The following VTI1A variants were observed in gnomAD, a reference collection of about 807,000 sequenced individuals.
VTI1A encodes vesicle transport through interaction with t-SNAREs 1A.
Under a neutral mutation model 34.9 loss-of-function variants are expected in VTI1A, and 22 were observed. The ratio of observed to expected loss-of-function variants is 0.63; its 90% CI spans 0.45 to 0.90. The LOEUF (loss-of-function observed/expected upper bound fraction) is 0.90. Ranked by LOEUF, VTI1A falls within the 40% of genes least tolerant of loss-of-function variation. The probability of loss-of-function intolerance (pLI) is 0.00; values close to 1 mark genes in which losing one functional copy is unlikely to be tolerated. For synonymous variants in VTI1A, 87 were observed against 97.3 expected (o/e 0.89, Z 0.62); for missense variants, 268 against 275.6 (o/e 0.97, Z 0.20).
intron 5 of VTI1A, among the ~76,000 whole-genome samples, chr10:112,652,448 C>T (rs1335385513): frequency 6.6e-6 from 1 of 152,152 alleles, no homozygotes; most frequent in African/African-American, 2.4e-5. Flanking sequence ...GAGCCAGTTG[C>T]AGGGGCTCAC....
intron 5 of VTI1A, among the ~76,000 whole-genome samples, chr10:112,605,328 A>G (rs948652942): frequency 2.6e-5 from 4 of 152,180 alleles, no homozygotes; most frequent in African/African-American, 9.7e-5. Flanking sequence ...CAGTGTTGAG[A>G]GGGAAAGAAA....
chr10:112,517,881 A>G (rs935738352), intron 3 of VTI1A, among the ~76,000 whole-genome samples: 1 of 152,048 alleles, frequency 6.6e-6, no homozygotes, highest in Non-Finnish European at 1.5e-5. Flanking sequence ...CTTGGATGGG[A>G]TCCTGGAATA....
chr10:112,505,433 A>T (rs1564804622), intron 3 of VTI1A, among the ~76,000 whole-genome samples: 1 of 152,178 alleles, frequency 6.6e-6, no homozygotes, highest in Non-Finnish European at 1.5e-5. Context: ...GTAAGTAATG[A>T]TGGTTTTACC....
At chr10:112,548,659 G>A in intron 5 of VTI1A, 1 of 1,130,544 alleles carries the variant, frequency 8.8e-7, no homozygotes, top group Non-Finnish European at 1.3e-6. Context: ...GGGAAGACTT[G>A]GTGACTTTGC....
chr10:112,683,037 T>C (rs753187515), intron 7 of VTI1A, among the ~76,000 whole-genome samples: 4 of 152,200 alleles, frequency 2.6e-5, no homozygotes, highest in Non-Finnish European at 4.4e-5. Context: ...TGGCACCAGG[T>C]TTTGGCTCTG....
At chr10:112,852,728 C>T in the VTI1A span, among the ~76,000 whole-genome samples, 6 of 152,316 alleles carry the variant, frequency 3.9e-5, 1 homozygote, top group South Asian at 1.0e-3. Flanking sequence ...TGCTCCTCTC[C>T]CATTGCATTC....
At chr10:112,574,320 C>T (rs1336426736) in intron 5 of VTI1A, among the ~76,000 whole-genome samples, 1 of 152,138 alleles carries the variant, frequency 6.6e-6, no homozygotes, top group Non-Finnish European at 1.5e-5. Flanking sequence ...AAGTGATTGT[C>T]CTTTAATGCA....
chr10:112,557,222 A>G (rs1851570552), intron 5 of VTI1A, among the ~76,000 whole-genome samples: 1 of 152,132 alleles, frequency 6.6e-6, no homozygotes, highest in South Asian at 2.1e-4. Context: ...TCAACATTTC[A>G]ATATGATAAA....
chr10:112,587,075 T>C (rs951978354), intron 5 of VTI1A, among the ~76,000 whole-genome samples: 4 of 152,182 alleles, frequency 2.6e-5, no homozygotes, highest in South Asian at 2.1e-4. Context: ...TATGTTTCAG[T>C]TGGGCCCTGA....
At chr10:112,753,271 TATAATAATAATA>T (rs10566277) in intron 7 of VTI1A, among the ~76,000 whole-genome samples, 1 of 150,236 alleles carries the variant, frequency 6.7e-6, no homozygotes, top group Admixed American at 6.6e-5. Flanking sequence ...CTCTTTTAAA[TATAATAATAATA>T]ATAATAATAA....
At chr10:112,855,108 G>T in the VTI1A span, among the ~76,000 whole-genome samples, 5 of 152,020 alleles carry the variant, frequency 3.3e-5, no homozygotes, top group Admixed American at 6.5e-5. Flanking sequence ...TGGGAAGCTC[G>T]ACCTGGGATG....
chr10:112,673,697 G>A (rs1590054935), intron 7 of VTI1A, among the ~76,000 whole-genome samples: 1 of 152,182 alleles, frequency 6.6e-6, no homozygotes, highest in East Asian at 1.9e-4. Flanking sequence ...TTTCGAGTTA[G>A]CCTGGGGAAT....
At chr10:112,532,263 T>G (rs1423913888) in intron 4 of VTI1A, among the ~76,000 whole-genome samples, 3 of 152,198 alleles carry the variant, frequency 2.0e-5, no homozygotes. Context: ...TTACAGAGAC[T>G]TATAGTGAAC....
At chr10:112,643,830 T>C (rs1156581492) in intron 5 of VTI1A, among the ~76,000 whole-genome samples, 2 of 152,180 alleles carry the variant, frequency 1.3e-5, no homozygotes, top group African/African-American at 4.8e-5. Flanking sequence ...CATTGAACAT[T>C]GCATAGCTAG....
intron 5 of VTI1A, among the ~76,000 whole-genome samples, chr10:112,569,625 A>C (rs1461150083): frequency 6.6e-6 from 1 of 152,172 alleles, no homozygotes; most frequent in African/African-American, 2.4e-5. Context: ...GTGAGGACTG[A>C]CAAGCGAAGA....
chr10:112,602,344 G>A (rs1271472174), intron 5 of VTI1A, among the ~76,000 whole-genome samples: 2 of 152,124 alleles, frequency 1.3e-5, no homozygotes, highest in Non-Finnish European at 2.9e-5. Context: ...ATGGCAGGGG[G>A]CATACCCGGG....
chr10:112,681,412 C>G (rs752778612), intron 7 of VTI1A, among the ~76,000 whole-genome samples: 1 of 152,138 alleles, frequency 6.6e-6, no homozygotes, highest in Non-Finnish European at 1.5e-5. Flanking sequence ...CAGGAGTGAG[C>G]AAATCATAGA....
At chr10:112,686,551 C>T (rs1848422184) in intron 7 of VTI1A, among the ~76,000 whole-genome samples, 1 of 152,132 alleles carries the variant, frequency 6.6e-6, no homozygotes, top group Non-Finnish European at 1.5e-5. Flanking sequence ...TGACACAAGG[C>T]ATGGAAGCCT....
chr10:112,550,684 A>T (rs1044812348), intron 5 of VTI1A, among the ~76,000 whole-genome samples: 6 of 152,194 alleles, frequency 3.9e-5, no homozygotes, highest in African/African-American at 1.4e-4. Context: ...CATCATTCAC[A>T]TATGGCACTG....
Sources: allele counts gnomAD v4.1 joint callset (sites outside exome capture counted in the v4.1 genomes callset), GRCh38; gene constraint gnomAD v4.1.1; transcripts MANE v1.5; gene names NCBI Gene and HGNC (gene_info 2026-07-23, HGNC 2026-07-21).